TIMELESS: variants seen among roughly 807,000 people sequenced by gnomAD.
TIMELESS encodes the protein protein timeless homolog.
In TIMELESS, 124 loss-of-function variants were observed where a neutral mutation model predicts 164.3. The ratio of observed to expected loss-of-function variants is 0.75; its 90% CI spans 0.65 to 0.88. The LOEUF (loss-of-function observed/expected upper bound fraction) is 0.88, where lower values mean the gene tolerates loss of function less well. Among genes scored for constraint, TIMELESS ranks in the 40% least tolerant of loss-of-function variants. The pLI is 0.00. For synonymous variants in TIMELESS, 564 were observed against 563.4 expected (o/e 1.00, Z -0.02); for missense variants, 1,422 against 1,491.4 (o/e 0.95, Z 0.77).
chr12:56,440,133 C>CTTT (rs33978004), intron 1 of TIMELESS, among the ~76,000 whole-genome samples: 17 of 87,656 alleles, frequency 1.9e-4, no homozygotes, highest in African/African-American at 6.4e-4. Flanking sequence ...TCAAATTAAC[C>CTTT]TTTTTTTTTT....
At chr12:56,431,898 GC>G (rs1881899172) in intron 7 of TIMELESS, among the ~76,000 whole-genome samples, 1 of 151,378 alleles carries the variant, frequency 6.6e-6, no homozygotes, top group South Asian at 2.1e-4. Context: ...GTATATATGT[GC>G]TATATATATA....
At chr12:56,424,294 T>C (rs1488619691) in intron 15 of TIMELESS, among the ~76,000 whole-genome samples, 3 of 152,178 alleles carry the variant, frequency 2.0e-5, no homozygotes, top group Non-Finnish European at 2.9e-5. Flanking sequence ...TATTTTTACA[T>C]GTAACGGAGC....
chr12:56,421,178 C>T (rs773863441), intron 23 of TIMELESS, 44 bp from the exon 24 acceptor site: 3 of 1,611,964 alleles, frequency 1.9e-6, no homozygotes, highest in East Asian at 2.2e-5. Context: ...GAAGGCAACA[C>T]AAGGAACTTA....
Position 56,420,873 on chromosome 12 carries a change from T to G in TIMELESS, c.3049A>C (p.Ile1017Leu). Residue 1017 changes from isoleucine to leucine, a missense_variant, in exon 25 of 29, where the codon ATC becomes CTC. Coordinates refer to ENST00000553532, the MANE Select transcript of TIMELESS (RefSeq NM_003920.5). ...GQSLHQEGFS[I>L]PLLWLQNCLI... ...CAGTTCTGGAGCCATAGGAGCGGGATAGAAAAGCCTAAGGAAATGAGGGAA... is the reference window on the plus strand; with the variant it reads ...CAGTTCTGGAGCCATAGGAGCGGGAGAGAAAAGCCTAAGGAAATGAGGGAA... The G allele has an allele frequency of 6.2e-7, 1 of 1,614,132 alleles. No individual in the cohort carries two copies. The highest frequency in any genetic ancestry group is 8.5e-7 in the Non-Finnish European group (1 of 1,180,022).
chr12:56,422,291 AG>A (rs1881524415), intron 19 of TIMELESS, 100 bp from the exon 20 acceptor site: 7 of 1,119,480 alleles, frequency 6.3e-6, no homozygotes, highest in Non-Finnish European at 9.3e-6. Flanking sequence ...AGGAAGGACA[AG>A]GCAGGTAACT....
At position 56,434,046 on chromosome 12, in the gene TIMELESS, T is replaced by C. The variant is rs68102728; in HGVS notation, c.97+28A>G. ...GACCTCCTTAATTCAAGCCAATTTT[T>C]TTCCTGTTTCATCAAAAAGGTACTC... On this transcript the variant is annotated intron_variant, in intron 2 of 28. Transcript: ENST00000553532. 9.1e-5 allele frequency: 147 copies of C among 1,613,126 alleles called. No homozygotes were observed. In the African/African-American group the frequency reaches 1.8e-3, roughly 19 times the overall value.
chr12:56,424,079 C>A lies in TIMELESS; in HGVS notation c.1869-185G>T, dbSNP rs982073156. On this transcript the variant is annotated intron_variant, in intron 15 of 28. Coordinates refer to ENST00000553532, the MANE Select transcript of TIMELESS (RefSeq NM_003920.5). Reference sequence around the variant, plus strand: ...CTCATAAGCCACAATTCAATAAAAACCAGCTAAGAACAAAATGCAAACAAT... The same window carrying A: ...CTCATAAGCCACAATTCAATAAAAAACAGCTAAGAACAAAATGCAAACAAT... Among the ~76,000 whole-genome samples the A allele has an allele frequency of 5.3e-5, 8 of 152,270 alleles. No individual in the cohort carries two copies. In the South Asian group the frequency reaches 1.4e-3, roughly 28 times the overall value.
In TIMELESS at chr12:56,417,992, A is replaced by AAC; in HGVS notation, c.3470_3471insGT (p.Lys1158LeufsTer5). 1.2e-6 allele frequency: 2 copies of AAC among 1,614,084 alleles called. No homozygotes were observed. Among genetic ancestry groups the AAC allele is most frequent in the Non-Finnish European group, 1.7e-6 (2 of 1,180,018 alleles). On this transcript the variant is annotated frameshift_variant, in exon 28 of 29. Transcript: ENST00000553532. LOFTEE classifies it high-confidence loss of function. ...TGGGTGCTGCCTTCAGCGGCTCTTT[A>AAC]CCAACAGCGTCTTCCTCTGCAATGA...
chr12:56,424,908 A>C lies in TIMELESS; in HGVS notation c.1722T>G (p.Ser574=). The part of the protein sequence containing the change: ...AEQLQCCAQN[S]ELSMDSVVPF... ...GAACCACGGAGTCCATGCTGAGCTC[A>C]GAATTCTAGAGATGGATAAAGCTAT... The change falls in exon 15 of 29, where the codon TCT becomes TCG. Residue 574 remains serine, a synonymous_variant. Coordinates refer to ENST00000553532, the MANE Select transcript of TIMELESS (RefSeq NM_003920.5). 6.2e-7 allele frequency: 1 copy of C among 1,614,238 alleles called. No individual in the cohort carries two copies. The highest frequency in any genetic ancestry group is 1.1e-5 in the South Asian group (1 of 91,090).
At chr12:56,427,090 G>A (rs1409360641) in intron 13 of TIMELESS, among the ~76,000 whole-genome samples, 1 of 152,050 alleles carries the variant, frequency 6.6e-6, no homozygotes. Flanking sequence ...CTGAGCAGCT[G>A]GGACTACAGG....
rs150452389 is a variant in TIMELESS, at chr12:56,420,631, C to T, written c.3166G>A (p.Glu1056Lys). ...AACAGCTGCTGAAACTGTTCGTTTT[C>T]CATGGCTTCCTCATTTTCCTCTGTG... ...PLTEENEEAM[E>K]NEQFQQLLRK... is the part of the protein sequence containing the mutation. Residue 1056 changes from glutamate (E) to lysine (K), a missense_variant, in exon 26 of 29, where the codon GAA becomes AAA. Physicochemically the swap from Glu to Lys is moderately conservative, Grantham distance 56 (BLOSUM62 1). Transcript: ENST00000553532. 11 of 1,614,138 alleles carry T rather than the reference C, an allele frequency of 6.8e-6. No individual in the cohort carries two copies. The African/African-American group carries it at 1.2e-4, about 18-fold the overall frequency.
intron 15 of TIMELESS, 26 bp downstream of exon 15, chr12:56,424,736 A>T: frequency 6.2e-7 from 1 of 1,608,944 alleles, no homozygotes. Flanking sequence ...CCAAAGCCCA[A>T]GAGGATGAGC....
intron 1 of TIMELESS, among the ~76,000 whole-genome samples, chr12:56,445,151 C>G (rs146447036): frequency 6.6e-6 from 1 of 151,858 alleles, no homozygotes; most frequent in Admixed American, 6.6e-5. Context: ...TAGGGCCAGG[C>G]GCAGTGGCTC....
chr12:56,424,504 G>C (rs755379374), intron 15 of TIMELESS, among the ~76,000 whole-genome samples: 3 of 152,084 alleles, frequency 2.0e-5, no homozygotes, highest in Non-Finnish European at 4.4e-5. Context: ...ACTCAAAGCT[G>C]CAATTACCAA....
chr12:56,421,619 G>C, intron 22 of TIMELESS, 108 bp downstream of exon 22: 1 of 1,522,884 alleles, frequency 6.6e-7, no homozygotes, highest in South Asian at 1.1e-5. Flanking sequence ...TATAGTAAGT[G>C]AACAGAAGGG....
intron 1 of TIMELESS, among the ~76,000 whole-genome samples, chr12:56,445,947 C>T (rs1340906376): frequency 6.6e-6 from 1 of 152,054 alleles, no homozygotes; most frequent in Non-Finnish European, 1.5e-5. Context: ...ACTTTGTCAC[C>T]CAGACTGGAG....
chr12:56,437,999 G>C (rs1286171991), intron 1 of TIMELESS, among the ~76,000 whole-genome samples: 1 of 152,088 alleles, frequency 6.6e-6, no homozygotes, highest in Admixed American at 6.6e-5. Context: ...GCAGAGGTCA[G>C]TCTGCTCTCT....
intron 26 of TIMELESS, among the ~76,000 whole-genome samples, chr12:56,419,353 T>C (rs142509814): frequency 6.6e-6 from 1 of 152,260 alleles, no homozygotes; most frequent in African/African-American, 2.4e-5. Context: ...AAAGTGATTA[T>C]TTTTACTTCA....
In TIMELESS at chr12:56,429,005, G is replaced by A; in HGVS notation, c.1182C>T (p.Phe394=). 6.2e-7 allele frequency: 1 copy of A among 1,614,138 alleles called. No individual in the cohort carries two copies. Among genetic ancestry groups the A allele is most frequent in the Non-Finnish European group, 8.5e-7 (1 of 1,180,046 alleles). The stretch of plus-strand genomic sequence containing the variant: ...GGGTCTCAGAAACCAGGCCTGGCCG[G>A]AAGGAGGCAGCTCGGTTGAAGGCCA... ...FFMAFNRAAS[F]RPGLVSETLS... The change falls in exon 11 of 29, where the codon TTC becomes TTT. Residue 394 remains phenylalanine (F), a synonymous_variant. Coordinates refer to ENST00000553532, the MANE Select transcript of TIMELESS (RefSeq NM_003920.5).
Sources: gnomAD v4.1 joint callset for allele counts (sites outside exome capture counted in the v4.1 genomes callset) on GRCh38, gnomAD v4.1.1 for gene constraint, MANE v1.5 for transcripts, NCBI Gene and HGNC (gene_info 2026-07-23, HGNC 2026-07-21) for gene names.